Variants in RHOBTB3 observed in about 807,000 individuals in gnomAD.
RHOBTB3 encodes the protein rho-related BTB domain-containing protein 3.
In RHOBTB3, 47 loss-of-function variants were observed where a neutral mutation model predicts 67.2. The ratio of observed to expected loss-of-function variants is 0.70; its 90% CI spans 0.55 to 0.89. The LOEUF (loss-of-function observed/expected upper bound fraction) is 0.89. RHOBTB3 is among the 40% of genes least tolerant of loss of function. The pLI is 0.00. For synonymous variants in RHOBTB3, 273 were observed against 274.2 expected, an observed-to-expected ratio of 1.00 and a Z score of 0.04; for missense variants, 631 against 750.0, an observed-to-expected ratio of 0.84 and a Z score of 1.85.
At chr5:95,749,549 C>T (rs1215729487) in intron 4 of RHOBTB3, among the ~76,000 whole-genome samples, 1 of 152,272 alleles carries the variant, frequency 6.6e-6, no homozygotes, top group East Asian at 1.9e-4. Context: ...ACTTTTGTTG[C>T]ATTCATTTAT....
intron 1 of RHOBTB3, among the ~76,000 whole-genome samples, chr5:95,718,522 GAGATATCCAAGTT>G (rs1291961368): frequency 2.0e-5 from 3 of 152,192 alleles, no homozygotes; most frequent in African/African-American, 4.8e-5. Context: ...ACTGAGGGAA[GAGATATCCAAGTT>G]AGAGACAGGG....
chr5:95,774,009 G>A (rs1245559521), intron 8 of RHOBTB3, among the ~76,000 whole-genome samples: 7 of 152,162 alleles, frequency 4.6e-5, no homozygotes, highest in Admixed American at 1.3e-4. Flanking sequence ...ATTTCATGAA[G>A]AAACTTTAAT....
chr5:95,736,808 C>T, intron 2 of RHOBTB3, 81 bp from the exon 3 acceptor site: 1 of 953,480 alleles, frequency 1.0e-6, no homozygotes, highest in Non-Finnish European at 1.5e-6. Flanking sequence ...TTTATGAATT[C>T]CAAAAATTAA....
At chr5:95,722,872 C>T (rs1304777003) in intron 1 of RHOBTB3, among the ~76,000 whole-genome samples, 5 of 152,120 alleles carry the variant, frequency 3.3e-5, no homozygotes, top group Admixed American at 1.3e-4. Flanking sequence ...TTCAACCCTT[C>T]GAAAAATACT....
intron 7 of RHOBTB3, among the ~76,000 whole-genome samples, chr5:95,765,698 A>G (rs549398943): frequency 3.9e-5 from 6 of 152,086 alleles, no homozygotes; most frequent in African/African-American, 1.2e-4. Context: ...GTCTCGCTCT[A>G]TCGCCCAGGC....
chr5:95,755,657 C>G lies in RHOBTB3; in HGVS notation c.944C>G (p.Pro315Arg). The stretch of plus-strand genomic sequence containing the variant: ...GCTATAAACAGAGATACTGCATTTC[C>G]AGGTGCTAGCCATGAATCTTCAGGC... ...LFAINRDTAF[P>R]GASHESSGNP... is the part of the protein sequence containing the mutation. The change falls in exon 6 of 12, where the codon CCA becomes CGA. Residue 315 changes from proline to arginine, a missense_variant. Coordinates refer to ENST00000379982, the MANE Select transcript of RHOBTB3 (RefSeq NM_014899.4). 6.2e-7 allele frequency: 1 copy of G among 1,614,176 alleles called. No homozygotes were observed. Among genetic ancestry groups the G allele is most frequent in the Non-Finnish European group, 8.5e-7 (1 of 1,180,028 alleles).
intron 6 of RHOBTB3, among the ~76,000 whole-genome samples, chr5:95,760,562 G>A (rs1745367801): frequency 6.6e-6 from 1 of 152,134 alleles, no homozygotes; most frequent in South Asian, 2.1e-4. Flanking sequence ...GAATCATTCC[G>A]TGGCATGTCC....
At position 95,763,585 on chromosome 5, in the gene RHOBTB3, G is replaced by A. The variant is rs1745451971; in HGVS notation, c.1126G>A (p.Glu376Lys). 8.7e-6 allele frequency: 14 copies of A among 1,610,664 alleles called. No individual in the cohort carries two copies. Among genetic ancestry groups the A allele is most frequent in the East Asian group, 6.7e-5 (3 of 44,730 alleles). The change falls in exon 7 of 12, where the codon GAG (glutamate) becomes AAG (lysine). Residue 376 changes from glutamate to lysine, a missense_variant. By Grantham distance (56) the Glu-to-Lys change is moderately conservative. Transcript: ENST00000379982. ...KDSGDVSNVI[E>K]KVKCILKTPG... ...TTCTGGGGATGTTTCAAATGTAATC[G>A]AGAAAGTTAAATGCATTTTAAAAAC...
In RHOBTB3 at chr5:95,724,894, A is replaced by G. The variant is rs150423882; in HGVS notation, n.134-6965A>G. Among the ~76,000 whole-genome samples, 138 of 152,300 alleles carry G rather than the reference A, an allele frequency of 9.1e-4. 1 individual carries two copies. The highest frequency in any genetic ancestry group is 1.6e-3 in the Non-Finnish European group (108 of 68,026). On this transcript the variant is annotated intron_variant and non_coding_transcript_variant, in intron 1 of 5. Coordinates refer to the RHOBTB3 transcript ENST00000504949. ...ACATGGTAAGTATACTTAAGTATAT[A>G]AAGAATTATGGAGCTGGGCATGGTG...
Position 95,752,309 on chromosome 5 carries a change from A to T in RHOBTB3, c.641A>T (p.Asn214Ile). ...AAAATGAAGAAAAGAAAAATGAGCAACTCCTTTCATGGAATTAGACCACCT... is the reference window on the plus strand; with the variant it reads ...AAAATGAAGAAAAGAAAAATGAGCATCTCCTTTCATGGAATTAGACCACCT... ...SEKMKKRKMS[N>I]SFHGIRPPQL... Residue 214 changes from asparagine to isoleucine, a missense_variant, in exon 5 of 12, where the codon AAC becomes ATC. Transcript: ENST00000379982. 6.2e-7 allele frequency: 1 copy of T among 1,607,812 alleles called. No individual in the cohort carries two copies. Among genetic ancestry groups the T allele is most frequent in the Non-Finnish European group, 8.5e-7 (1 of 1,177,770 alleles).
chr5:95,743,977 G>A (rs145687859), intron 3 of RHOBTB3, among the ~76,000 whole-genome samples: 2 of 150,334 alleles, frequency 1.3e-5, no homozygotes, highest in African/African-American at 4.9e-5. Context: ...CCAAAGTGCT[G>A]GGATTACAGG....
chr5:95,785,075 T>A (rs1746182465), intron 10 of RHOBTB3, among the ~76,000 whole-genome samples: 1 of 152,118 alleles, frequency 6.6e-6, no homozygotes, highest in African/African-American at 2.4e-5. Flanking sequence ...TCCACATTGC[T>A]AAAATGGAGC....
chr5:95,728,153 G>A (rs943157996), upstream of RHOBTB3, among the ~76,000 whole-genome samples: 2 of 152,222 alleles, frequency 1.3e-5, no homozygotes, highest in African/African-American at 4.8e-5. Context: ...AGAGAAAACA[G>A]GTTTGGTGAG....
At chr5:95,788,347 A>T (rs976625536) in intron 10 of RHOBTB3, among the ~76,000 whole-genome samples, 1 of 152,178 alleles carries the variant, frequency 6.6e-6, no homozygotes, top group African/African-American at 2.4e-5. Flanking sequence ...TCCTCCTCAA[A>T]ATATTTTTTG....
At chr5:95,745,256 A>G (rs939625980) in intron 3 of RHOBTB3, among the ~76,000 whole-genome samples, 1 of 115,932 alleles carries the variant, frequency 8.6e-6, no homozygotes, top group African/African-American at 3.2e-5. Context: ...TTTTAAAGTT[A>G]AAAAGAATTC....
chr5:95,776,754 G>T (rs769439434), intron 8 of RHOBTB3, among the ~76,000 whole-genome samples: 26 of 152,186 alleles, frequency 1.7e-4, no homozygotes, highest in Admixed American at 2.6e-4. Context: ...GGTTCTTTTG[G>T]TTTTTTGCCT....
At chr5:95,771,446 G>A (rs528490071) in intron 8 of RHOBTB3, among the ~76,000 whole-genome samples, 2 of 152,154 alleles carry the variant, frequency 1.3e-5, no homozygotes, top group Admixed American at 6.6e-5. Context: ...GACAAGCCAC[G>A]GCCAGCCCTG....
At chr5:95,730,995 TC>T (rs1755210302), upstream of RHOBTB3, 2 of 617,938 alleles carry the variant, frequency 3.2e-6, no homozygotes, top group Admixed American at 2.5e-5. Flanking sequence ...CTTTTTCCAG[TC>T]CGGAGTGAGC....
upstream of RHOBTB3, chr5:95,731,321 A>AGCAGCG (rs1042936059): frequency 1.6e-5 from 17 of 1,074,958 alleles, no homozygotes; most frequent in African/African-American, 1.0e-4. Context: ...GAGGAGGAGG[A>AGCAGCG]GCAGCGGCAG....
Sources: gnomAD v4.1 joint callset for allele counts (sites outside exome capture counted in the v4.1 genomes callset) on GRCh38, gnomAD v4.1.1 for gene constraint, MANE v1.5 for transcripts, NCBI Gene and HGNC (gene_info 2026-07-23, HGNC 2026-07-21) for gene names.